Variants in FAM20A observed in about 807,000 individuals in gnomAD.
The protein encoded by FAM20A is pseudokinase FAM20A.
Under a neutral mutation model 52.0 loss-of-function variants are expected in FAM20A, and 42 were observed. The ratio of observed to expected loss-of-function variants is 0.81; its 90% confidence interval spans 0.63 to 1.04. The LOEUF (loss-of-function observed/expected upper bound fraction) is 1.04, where lower values mean the gene tolerates loss of function less well. Among genes scored for constraint, FAM20A ranks in the 50% least tolerant of loss-of-function variants. The pLI is 0.00. For missense variants in FAM20A, 742 were observed against 712.7 expected (o/e 1.04, Z -0.47); for synonymous variants, 304 against 298.9 (o/e 1.02, Z -0.18).
chr17:68,550,189 A>G (rs1180941216), intron 4 of FAM20A, among the ~76,000 whole-genome samples: 3 of 152,104 alleles, frequency 2.0e-5, no homozygotes, highest in African/African-American at 7.2e-5. Flanking sequence ...TGACAAGTAA[A>G]ATCTACAGTG....
intron 4 of FAM20A, among the ~76,000 whole-genome samples, chr17:68,549,934 G>C (rs2086755282): frequency 6.6e-6 from 1 of 152,184 alleles, no homozygotes; most frequent in South Asian, 2.1e-4. Context: ...TCCTGAAATT[G>C]TCCCTTGGAA....
chr17:68,563,689 T>C (rs1472392857), intron 1 of FAM20A, among the ~76,000 whole-genome samples: 1 of 152,168 alleles, frequency 6.6e-6, no homozygotes, highest in Non-Finnish European at 1.5e-5. Flanking sequence ...CCTTGTTTCA[T>C]CTCCAGACTA....
chr17:68,570,542 C>T (rs906192065), intron 1 of FAM20A, among the ~76,000 whole-genome samples: 1 of 152,196 alleles, frequency 6.6e-6, no homozygotes. Context: ...TGCATGCTCT[C>T]TGGATAGGAT....
rs2088596535 is a variant in FAM20A at position 68,600,620 on chromosome 17, C to T, written c.47G>A (p.Gly16Asp). The T allele has an allele frequency of 6.4e-7, 1 of 1,562,980 alleles. No individual in the cohort carries two copies. Among genetic ancestry groups the T allele is most frequent in the East Asian group, 2.3e-5 (1 of 42,944 alleles). The change falls in exon 1 of 11, where the codon GGC becomes GAC. Residue 16 changes from glycine (G) to aspartate (D), a missense_variant. Transcript: ENST00000592554. This position sits in a 1 kb window ranked among gnomAD's most constrained non-coding sequence, Gnocchi z 6.2. Reference protein sequence around the residue: ...RDRLLTLLLLGALLSADLYFH... With the variant: ...RDRLLTLLLLDALLSADLYFH... ...GTAGAGGTCGGCGGAGAGCAGCGCG[C>T]CCAGCAGCAGCAGAGTCAGTAGGCG...
chr17:68,566,653 T>G (rs915779511), intron 1 of FAM20A, among the ~76,000 whole-genome samples: 1 of 152,240 alleles, frequency 6.6e-6, no homozygotes, highest in Non-Finnish European at 1.5e-5. Flanking sequence ...CACTGGGTAG[T>G]TCAGAGCTAA....
At chr17:68,599,718 T>C (rs1405256615) in intron 1 of FAM20A, among the ~76,000 whole-genome samples, 2 of 152,146 alleles carry the variant, frequency 1.3e-5, no homozygotes, top group Non-Finnish European at 2.9e-5. Flanking sequence ...CCCCTTGTGA[T>C]CTCTGAAACT....
chr17:68,555,150 C>T (rs760794133), intron 2 of FAM20A, among the ~76,000 whole-genome samples: 78 of 152,210 alleles, frequency 5.1e-4, no homozygotes, highest in Admixed American at 2.0e-3. Context: ...GACTTGGTAT[C>T]AGCAGGCCTG....
In FAM20A at chr17:68,541,974, G is replaced by C. The variant is rs376046330; in HGVS notation, c.1109+11C>G. 5.8e-5 allele frequency: 93 copies of C among 1,611,508 alleles called. No individual in the cohort carries two copies. The African/African-American group carries it at 1.2e-3, about 20-fold the overall frequency. ...CAAGGACTGGGCTGTGTGGCCTGGG[G>C]ACCAACTCACTCCTCTTTTCCTGCC... On this transcript the variant is annotated intron_variant, in intron 7 of 10. Transcript: ENST00000592554.
rs745781545 is a variant in FAM20A at position 68,552,000 on chromosome 17, A to T, written c.641-49T>A. ...TAACCATGCTTCCGGGCCTCAGCCAAGGCTTGTGACTCTGTTCCTTCAATA... is the reference window on the plus strand; with the variant it reads ...TAACCATGCTTCCGGGCCTCAGCCATGGCTTGTGACTCTGTTCCTTCAATA... On this transcript the variant is annotated intron_variant, in intron 3 of 10. Transcript: ENST00000592554. 4 of 1,262,600 alleles carry T rather than the reference A, an allele frequency of 3.2e-6. No homozygotes were observed. The South Asian group carries it at 5.1e-5, about 16-fold the overall frequency. 78.2% of individuals were successfully genotyped at this position (1,262,600 alleles called of 1,614,324 possible). A position where few individuals can be genotyped will look rare whatever the true frequency, so the allele number is the denominator to read the frequency against.
At chr17:68,549,578 T>C (rs2086738057) in intron 4 of FAM20A, among the ~76,000 whole-genome samples, 1 of 152,196 alleles carries the variant, frequency 6.6e-6, no homozygotes, top group Non-Finnish European at 1.5e-5. Flanking sequence ...CCTGGTGATT[T>C]GTGGTGCGTT....
intron 1 of FAM20A, among the ~76,000 whole-genome samples, chr17:68,573,435 T>C (rs754625681): frequency 1.6e-4 from 15 of 93,288 alleles, no homozygotes; most frequent in Non-Finnish European, 2.8e-4. Flanking sequence ...CTTTCCTTTC[T>C]CTTTCTTTCT....
chr17:68,574,192 G>C (rs1398539108), intron 1 of FAM20A, among the ~76,000 whole-genome samples: 1 of 152,008 alleles, frequency 6.6e-6, no homozygotes, highest in Non-Finnish European at 1.5e-5. Flanking sequence ...AGCCTCCCAA[G>C]TAACTGGGAC....
At chr17:68,599,568 C>G (rs901504119) in intron 1 of FAM20A, among the ~76,000 whole-genome samples, 3 of 152,146 alleles carry the variant, frequency 2.0e-5, no homozygotes, top group Non-Finnish European at 2.9e-5. Flanking sequence ...CAAGTCAGTC[C>G]AAATCACCAG....
intron 3 of FAM20A, among the ~76,000 whole-genome samples, chr17:68,554,418 A>G (rs1568742588): frequency 6.6e-6 from 1 of 152,066 alleles, no homozygotes. Context: ...ATATTTTGTC[A>G]ATAGTGGGCA....
chr17:68,590,344 T>C (rs2088269166), intron 1 of FAM20A: 1 of 152,206 alleles, frequency 6.6e-6, no homozygotes, highest in African/African-American at 2.4e-5. Flanking sequence ...AAGCAGGAAC[T>C]GAGGCCTGGG....
intron 4 of FAM20A, 33 bp from the exon 5 acceptor site, chr17:68,543,754 C>A: frequency 6.3e-7 from 1 of 1,575,770 alleles, no homozygotes; most frequent in Non-Finnish European, 8.7e-7. Context: ...GCCCTGGACT[C>A]AGACTTCAGC....
At chr17:68,590,375 G>A (rs989521578) in intron 1 of FAM20A, 11 of 152,154 alleles carry the variant, frequency 7.2e-5, no homozygotes, top group Non-Finnish European at 1.6e-4. Flanking sequence ...CTTTTCTCAG[G>A]ACTTACACAC....
chr17:68,575,983 G>A (rs2087756555), intron 1 of FAM20A, among the ~76,000 whole-genome samples: 1 of 151,662 alleles, frequency 6.6e-6, no homozygotes, highest in South Asian at 2.1e-4. Context: ...GTGTTAGGCT[G>A]GAGAGAGGTT....
At chr17:68,572,085 T>C (rs1188688537) in intron 1 of FAM20A, among the ~76,000 whole-genome samples, 1 of 145,992 alleles carries the variant, frequency 6.8e-6, no homozygotes, top group African/African-American at 2.5e-5. Flanking sequence ...TGGCTATTAT[T>C]TTTATTTTTA....
Sources: allele counts gnomAD v4.1 joint callset (sites outside exome capture counted in the v4.1 genomes callset), GRCh38; gene constraint gnomAD v4.1.1; non-coding constraint Gnocchi (gnomAD v3.1); transcripts MANE v1.5; gene names NCBI Gene and HGNC (gene_info 2026-07-23, HGNC 2026-07-21).